LFNG: variants seen among roughly 807,000 people sequenced by gnomAD.
LFNG encodes the protein LFNG O-fucosylpeptide 3-beta-N-acetylglucosaminyltransferase, also known as beta-1,3-N-acetylglucosaminyltransferase lunatic fringe.
In LFNG, 15 loss-of-function variants were observed where a neutral mutation model predicts 32.7. The ratio of observed to expected loss-of-function variants is 0.46; its 90% confidence interval spans 0.31 to 0.71. The LOEUF (loss-of-function observed/expected upper bound fraction) is 0.71, where lower values mean the gene tolerates loss of function less well. Ranked by LOEUF, LFNG falls within the 30% of genes least tolerant of loss-of-function variation. The pLI is 0.06. For missense variants in LFNG, 520 were observed against 545.7 expected (o/e 0.95, Z 0.47); for synonymous variants, 274 against 246.8 (o/e 1.11, Z -1.03).
chr7:2,520,440 C>A lies in LFNG; in HGVS notation c.432+147C>A. Reference sequence around the variant, plus strand: ...TGGGCGACGCCAGTGCACCCCGGTGCACCCAGTTTGCCTGCTGGGGCCACT... The same window carrying A: ...TGGGCGACGCCAGTGCACCCCGGTGAACCCAGTTTGCCTGCTGGGGCCACT... On this transcript the variant is annotated intron_variant, in intron 1 of 7. Coordinates refer to ENST00000222725, the MANE Select transcript of LFNG (RefSeq NM_001040167.2). The surrounding 1 kb of genome is among the most constrained non-coding windows in gnomAD (Gnocchi z 5.0). 2.7e-6 allele frequency: 2 copies of A among 737,212 alleles called. No homozygotes were observed. Among genetic ancestry groups the A allele is most frequent in the Non-Finnish European group, 4.2e-6 (2 of 471,774 alleles). 45.7% of individuals were successfully genotyped at this position (737,212 alleles called of 1,614,324 possible). A position where few individuals can be genotyped will look rare whatever the true frequency, so the allele number is the denominator to read the frequency against.
At chr7:2,515,090 CCA>C (rs1406547678), upstream of LFNG, among the ~76,000 whole-genome samples, 40 of 151,782 alleles carry the variant, frequency 2.6e-4, no homozygotes, top group African/African-American at 5.8e-4. Context: ...ATCCATCCAT[CCA>C]TCCGTCTGTC....
At chr7:2,515,950 C>T (rs541231794), upstream of LFNG, among the ~76,000 whole-genome samples, 2 of 152,358 alleles carry the variant, frequency 1.3e-5, no homozygotes, top group Admixed American at 6.5e-5. Context: ...GCCCAGCCAA[C>T]CTTCCCATCA....
intron 3 of LFNG, 38 bp downstream of exon 3, chr7:2,525,356 G>A (rs374429380): frequency 2.2e-5 from 35 of 1,611,908 alleles, no homozygotes; most frequent in Middle Eastern, 3.3e-4. Context: ...CTCCCTGCCC[G>A]AGCCTGGCAG....
chr7:2,519,902 CG>C lies in LFNG; in HGVS notation c.44del (p.Gly15AlafsTer130). 1.8e-6 allele frequency: 2 copies of C among 1,096,826 alleles called. No individual in the cohort carries two copies. The highest frequency in any genetic ancestry group is 3.0e-5 in the South Asian group (1 of 33,224). 67.9% of individuals were successfully genotyped at this position (1,096,826 alleles called of 1,614,324 possible). ...GGCCGGCGCCTGCTGCTGGCGCTGG[CG>C]GGCGCGCTGCTCGCCTGCCTGCTGG... The part of the protein sequence containing the change: ...RCGRRLLLAL[A>X]GALLACLLVL... On this transcript the variant is annotated frameshift_variant, in exon 1 of 8. Transcript: ENST00000222725. LOFTEE classifies it high-confidence loss of function.
In LFNG at chr7:2,520,188, G is replaced by C. The variant is rs376342763; in HGVS notation, c.327G>C (p.Pro109=). ...ADGHPRPLAE[P]LAPRDVFIAV... ...GCCACCCGCGCCCCCTGGCCGAGCCGCTCGCGCCCCGAGACGTCTTCATCG... is the reference window on the plus strand; with the variant it reads ...GCCACCCGCGCCCCCTGGCCGAGCCCCTCGCGCCCCGAGACGTCTTCATCG... The change falls in exon 1 of 8, where the codon CCG becomes CCC. Residue 109 remains proline (P), a synonymous_variant. Transcript: ENST00000222725. This position sits in a 1 kb window ranked among gnomAD's most constrained non-coding sequence, Gnocchi z 5.0. 3 of 1,574,100 alleles carry C rather than the reference G, an allele frequency of 1.9e-6. No individual in the cohort carries two copies. The African/African-American group carries it at 4.2e-5, about 22-fold the overall frequency.
At position 2,525,456 on chromosome 7, in the gene LFNG, G is replaced by A; in HGVS notation, c.624G>A (p.Arg208=). The change falls in exon 4 of 8, where the codon CGG becomes CGA. Residue 208 remains arginine, a synonymous_variant. Transcript: ENST00000222725. The stretch of plus-strand genomic sequence containing the variant: ...ACGATGACAACTACGTCAACCTGCG[G>A]GCCCTGCTGCGGCTGCTGGCCAGCT... ...HVDDDNYVNL[R]ALLRLLASYP... The A allele has an allele frequency of 6.2e-7, 1 of 1,612,758 alleles. No homozygotes were observed. Among genetic ancestry groups the A allele is most frequent in the Non-Finnish European group, 8.5e-7 (1 of 1,179,872 alleles).
upstream of LFNG, chr7:2,517,645 TC>T (rs1244718434): frequency 4.4e-6 from 2 of 453,714 alleles, no homozygotes; most frequent in South Asian, 3.1e-5. Flanking sequence ...ACTCACAGCA[TC>T]TTGTCAGGTG....
chr7:2,524,421 C>T (rs1352480637), intron 1 of LFNG, among the ~76,000 whole-genome samples: 5 of 152,196 alleles, frequency 3.3e-5, no homozygotes, highest in Non-Finnish European at 7.3e-5. Flanking sequence ...CGCGCCTGGA[C>T]GACCTTGGGT....
upstream of LFNG, among the ~76,000 whole-genome samples, chr7:2,514,794 C>T (rs1436326172): frequency 1.3e-5 from 2 of 151,386 alleles, no homozygotes; most frequent in African/African-American, 4.9e-5. Flanking sequence ...ATCCATCCAT[C>T]CATTCATCTG....
intron 1 of LFNG, among the ~76,000 whole-genome samples, chr7:2,522,065 C>T (rs568651806): frequency 2.3e-4 from 35 of 152,294 alleles, no homozygotes; most frequent in African/African-American, 8.2e-4. Context: ...AAGAGGGCCC[C>T]CCTCTCCCAG....
In LFNG at chr7:2,526,969, C is replaced by T. The variant is rs371231976; in HGVS notation, c.1073+48C>T. On this transcript the variant is annotated intron_variant, in intron 7 of 7. Coordinates refer to ENST00000222725, the MANE Select transcript of LFNG (RefSeq NM_001040167.2). The surrounding 1 kb of genome is among the most constrained non-coding windows in gnomAD (Gnocchi z 6.9). ...GGGCTTGCGTAGGGTGGCCTAGGGG[C>T]GTCAGGGGGCCTCGTGGAGCTGCAG... 34 of 1,550,532 alleles carry T rather than the reference C, an allele frequency of 2.2e-5. No homozygotes were observed. Among genetic ancestry groups the T allele is most frequent in the South Asian group, 4.5e-5 (4 of 88,830 alleles).
exon 1 of LFNG, chr7:2,512,605 C>CAA (rs1779521451): frequency 2.5e-6 from 4 of 1,586,098 alleles, no homozygotes; most frequent in Non-Finnish European, 3.5e-6. Context: ...CTCCTGGCCA[C>CAA]CCTCGCAGCT....
chr7:2,516,445 T>C (rs1337034936), upstream of LFNG, among the ~76,000 whole-genome samples: 1 of 152,124 alleles, frequency 6.6e-6, no homozygotes, highest in Non-Finnish European at 1.5e-5. Context: ...CCCGAGCCCT[T>C]CCCCTCTAGG....
chr7:2,520,827 GT>G lies in LFNG; in HGVS notation c.432+538del. Among the ~76,000 whole-genome samples, 1 of 152,136 alleles carries G rather than the reference GT, an allele frequency of 6.6e-6. No homozygotes were observed. Among genetic ancestry groups the G allele is most frequent in the Non-Finnish European group, 1.5e-5 (1 of 68,036 alleles). On this transcript the variant is annotated intron_variant, in intron 1 of 7. Transcript: ENST00000222725. This position sits in a 1 kb window ranked among gnomAD's most constrained non-coding sequence, Gnocchi z 5.0. ...GGGAGTACATCTCAAAGAACTCCAG[GT>G]TTTGGGGTCTGTGTGGGGACCCTCC...
At position 2,527,398 on chromosome 7, in the gene LFNG, T is replaced by C; in HGVS notation, c.*186T>C. The C allele has an allele frequency of 2.7e-6, 4 of 1,474,528 alleles. No homozygotes were observed. The highest frequency in any genetic ancestry group is 3.6e-6 in the Non-Finnish European group (4 of 1,113,056). The allele number at this position is 1,474,528 out of a possible 1,614,324, so 91.3% of individuals were successfully genotyped here. ...AGCAGGCTGCTGGGCAGTTCTGCTC[T>C]GTGGAGGGGCGGGCACCAGCGCCAC... is the stretch of plus-strand genomic sequence containing the variant. On this transcript the variant is annotated 3_prime_UTR_variant, in exon 8 of 8. Transcript: ENST00000222725. The surrounding 1 kb of genome is among the most constrained non-coding windows in gnomAD (Gnocchi z 4.4).
In LFNG at chr7:2,524,691, C is replaced by T. The variant is rs1161663104; in HGVS notation, c.433-4C>T. 2 of 1,585,604 alleles carry T rather than the reference C, an allele frequency of 1.3e-6. No homozygotes were observed. The highest frequency in any genetic ancestry group is 1.2e-5 in the South Asian group (1 of 86,818). On this transcript the variant is annotated splice_polypyrimidine_tract_variant and splice_region_variant and intron_variant, in intron 1 of 7. Coordinates refer to ENST00000222725, the MANE Select transcript of LFNG (RefSeq NM_001040167.2). Reference sequence around the variant, plus strand: ...CCTGCTGAAGGCCGATTTTCTCCTTCCAGACGTTCATCTTCACTGACGGGG... The same window carrying T: ...CCTGCTGAAGGCCGATTTTCTCCTTTCAGACGTTCATCTTCACTGACGGGG...
chr7:2,524,815 C>A, intron 2 of LFNG, 72 bp downstream of exon 2: 1 of 1,402,846 alleles, frequency 7.1e-7, no homozygotes, highest in South Asian at 1.2e-5. Flanking sequence ...CTCCAGTCTC[C>A]CTGCCCCTCT....
At chr7:2,518,053 G>C (rs1447461678), upstream of LFNG, 1 of 471,442 alleles carries the variant, frequency 2.1e-6, no homozygotes, top group Non-Finnish European at 3.1e-6. Context: ...ATATGGGAGA[G>C]CCTGAAGTCA....
chr7:2,526,708 A>G lies in LFNG; in HGVS notation c.988-128A>G. ...ACCTTATTCCTGGGGTGTGCAGGGC[A>G]GGTGTCCTTCCAGGTCCAAGGGAGG... On this transcript the variant is annotated intron_variant, in intron 6 of 7. Coordinates refer to ENST00000222725, the MANE Select transcript of LFNG (RefSeq NM_001040167.2). This position sits in a 1 kb window ranked among gnomAD's most constrained non-coding sequence, Gnocchi z 6.9. 1 of 861,960 alleles carries G rather than the reference A, an allele frequency of 1.2e-6. No homozygotes were observed. The highest frequency in any genetic ancestry group is 1.9e-6 in the Non-Finnish European group (1 of 521,462). The allele number at this position is 861,960 out of a possible 1,614,324, so 53.4% of individuals were successfully genotyped here. A position where few individuals can be genotyped will look rare whatever the true frequency, so the allele number is the denominator to read the frequency against.
Sources: allele counts gnomAD v4.1 joint callset (sites outside exome capture counted in the v4.1 genomes callset), GRCh38; gene constraint gnomAD v4.1.1; non-coding constraint Gnocchi (gnomAD v3.1); transcripts MANE v1.5; gene names NCBI Gene and HGNC (gene_info 2026-07-23, HGNC 2026-07-21).